LRRC37A2: variants seen among roughly 807,000 people sequenced by gnomAD.
LRRC37A2 encodes leucine rich repeat containing 37 member A2, also known as leucine-rich repeat-containing protein 37A2.
A neutral mutation model predicts 68.8 loss-of-function variants in LRRC37A2; 9 were observed. The ratio of observed to expected loss-of-function variants is 0.13; its 90% confidence interval spans 0.08 to 0.23. The LOEUF is 0.23. LRRC37A2 is among the 10% of genes least tolerant of loss of function. The probability of loss-of-function intolerance (pLI) is 1.00; values close to 1 mark genes in which losing one functional copy is unlikely to be tolerated. For synonymous variants in LRRC37A2, 63 were observed against 367.6 expected (o/e 0.17, Z 9.48); for missense variants, 168 against 950.4 (o/e 0.18, Z 10.82).
At chr17:46,894,349 C>A in the LRRC37A2 span, among the ~76,000 whole-genome samples, 7 of 152,174 alleles carry the variant, frequency 4.6e-5, no homozygotes, top group Non-Finnish European at 8.8e-5. Context: ...TCTGTAATAA[C>A]AAGGGGGGTC....
the LRRC37A2 span, among the ~76,000 whole-genome samples, chr17:47,036,630 G>T: frequency 6.7e-6 from 1 of 149,076 alleles, no homozygotes. Context: ...TAGCACCCTT[G>T]TCAAAAATCA....
chr17:46,838,780 T>C, the LRRC37A2 span, among the ~76,000 whole-genome samples: 4 of 152,084 alleles, frequency 2.6e-5, no homozygotes, highest in Non-Finnish European at 5.9e-5. Context: ...AAAATCCGGG[T>C]TTACAAAAAC....
At chr17:46,993,100 AT>A in the LRRC37A2 span, among the ~76,000 whole-genome samples, 1 of 143,234 alleles carries the variant, frequency 7.0e-6, no homozygotes, top group Non-Finnish European at 1.5e-5. Context: ...GCTTATCTGT[AT>A]TTTTTAGATG....
the LRRC37A2 span, among the ~76,000 whole-genome samples, chr17:46,610,101 C>T: frequency 9.3e-4 from 34 of 36,364 alleles, no homozygotes; most frequent in East Asian, 0.036. Flanking sequence ...TTCTCTCTTT[C>T]TCTCTCTCTC....
chr17:46,948,145 C>T, the LRRC37A2 span, among the ~76,000 whole-genome samples: 1 of 152,210 alleles, frequency 6.6e-6, no homozygotes, highest in Non-Finnish European at 1.5e-5. Flanking sequence ...AAGATCAGCT[C>T]TGCCCTTTAG....
the LRRC37A2 span, among the ~76,000 whole-genome samples, chr17:46,887,432 A>G: frequency 1.5e-5 from 1 of 65,732 alleles, no homozygotes; most frequent in South Asian, 4.4e-4. Context: ...TCATTCATTA[A>G]AAAAAAAAAA....
chr17:46,800,379 G>A, the LRRC37A2 span, among the ~76,000 whole-genome samples: 1 of 152,210 alleles, frequency 6.6e-6, no homozygotes, highest in Non-Finnish European at 1.5e-5. Context: ...CCAAAGTGCT[G>A]GGATTACAGA....
At chr17:46,983,614 C>T in the LRRC37A2 span, among the ~76,000 whole-genome samples, 29 of 152,300 alleles carry the variant, frequency 1.9e-4, no homozygotes, top group East Asian at 4.2e-3. Context: ...TTTCTTGAGC[C>T]TCTGGTCCCA....
the LRRC37A2 span, among the ~76,000 whole-genome samples, chr17:46,610,041 C>CTCTTTCTTTCTTTCTT: frequency 1.7e-5 from 2 of 118,656 alleles, no homozygotes; most frequent in Admixed American, 9.1e-5. Flanking sequence ...CTCTCTCTCT[C>CTCTTTCTTTCTTTCTT]TCTTTCTTTC....
chr17:46,879,138 T>C, the LRRC37A2 span, among the ~76,000 whole-genome samples: 10 of 152,232 alleles, frequency 6.6e-5, no homozygotes, highest in African/African-American at 2.2e-4. Flanking sequence ...CTAAGATATA[T>C]GAGAAAGTAT....
At chr17:46,900,198 TATATAC>T in the LRRC37A2 span, among the ~76,000 whole-genome samples, 30 of 92,084 alleles carry the variant, frequency 3.3e-4, no homozygotes, top group East Asian at 7.3e-4. Flanking sequence ...TATATATATA[TATATAC>T]ACACACACAC....
chr17:46,837,235 C>T, the LRRC37A2 span, among the ~76,000 whole-genome samples: 2 of 152,332 alleles, frequency 1.3e-5, no homozygotes, highest in African/African-American at 4.8e-5. Flanking sequence ...GCCACCGTGC[C>T]TGGCTGAACC....
At chr17:46,986,058 T>G in the LRRC37A2 span, among the ~76,000 whole-genome samples, 3 of 152,100 alleles carry the variant, frequency 2.0e-5, no homozygotes, top group African/African-American at 7.2e-5. Flanking sequence ...GACATTGACC[T>G]AAACAGATTT....
chr17:47,022,557 G>C, the LRRC37A2 span, among the ~76,000 whole-genome samples: 1 of 152,070 alleles, frequency 6.6e-6, no homozygotes, highest in Non-Finnish European at 1.5e-5. Context: ...CTGAAGTAAT[G>C]CTACTCTGCA....
the LRRC37A2 span, among the ~76,000 whole-genome samples, chr17:46,703,680 C>CAAAAA: frequency 2.4e-3 from 78 of 32,538 alleles, no homozygotes; most frequent in Non-Finnish European, 3.5e-3. Flanking sequence ...GACTCCGTCT[C>CAAAAA]AAAAAAAAAA....
the LRRC37A2 span, among the ~76,000 whole-genome samples, chr17:46,823,182 A>AATATATT: frequency 3.1e-5 from 4 of 127,868 alleles, no homozygotes; most frequent in African/African-American, 1.3e-4. Context: ...ATTTATATAT[A>AATATATT]ATATATTATA....
At chr17:46,844,990 G>A in the LRRC37A2 span, among the ~76,000 whole-genome samples, 23 of 152,094 alleles carry the variant, frequency 1.5e-4, no homozygotes, top group Non-Finnish European at 2.5e-4. Flanking sequence ...TGGGACTACC[G>A]GCATGCACCA....
the LRRC37A2 span, among the ~76,000 whole-genome samples, chr17:46,417,013 A>G: frequency 6.9e-6 from 1 of 145,196 alleles, no homozygotes; most frequent in African/African-American, 2.5e-5. Flanking sequence ...CACGAGAATC[A>G]CTTGAACCCG....
chr17:46,879,363 G>T, the LRRC37A2 span, among the ~76,000 whole-genome samples: 1 of 152,170 alleles, frequency 6.6e-6, no homozygotes, highest in Non-Finnish European at 1.5e-5. Flanking sequence ...GATGAGCCCT[G>T]GTGGGCTCCA....
Sources: gnomAD v4.1 joint callset for allele counts (sites outside exome capture counted in the v4.1 genomes callset) on GRCh38, gnomAD v4.1.1 for gene constraint, MANE v1.5 for transcripts, NCBI Gene and HGNC (gene_info 2026-07-23, HGNC 2026-07-21) for gene names.